Variants in TPM3 observed in about 807,000 individuals in gnomAD.
TPM3 encodes the protein tropomyosin alpha-3 chain.
TPM3 carries 16 observed loss-of-function variants against 43.1 expected under a neutral mutation model. The ratio of observed to expected loss-of-function variants is 0.37; its 90% CI spans 0.25 to 0.56. The LOEUF (loss-of-function observed/expected upper bound fraction) is 0.56, where lower values mean the gene tolerates loss of function less well. TPM3 is among the 20% of genes least tolerant of loss of function. TPM3 has a pLI of 0.77. For synonymous variants in TPM3, 101 were observed against 116.9 expected, an observed-to-expected ratio of 0.86 and a Z score of 0.88; for missense variants, 176 against 337.2, an observed-to-expected ratio of 0.52 and a Z score of 3.74.
In TPM3 at chr1:154,163,807, G is replaced by A. The variant is rs1357144638; in HGVS notation, c.*4130C>T. 1.3e-5 allele frequency among the ~76,000 whole-genome samples: 2 copies of A among 152,062 alleles called. No individual in the cohort carries two copies. The highest frequency in any genetic ancestry group is 2.9e-5 in the Non-Finnish European group (2 of 67,998). ...CGCAACCACGCCCAGCTAATTTTTT[G>A]TATTTTTAGTAGAGACGGGGTTTCA... On this transcript the variant is annotated 3_prime_UTR_variant, in exon 10 of 10. Transcript: ENST00000651641.
At chr1:154,183,478 C>G in intron 2 of TPM3, 1 of 471,278 alleles carries the variant, frequency 2.1e-6, no homozygotes, top group Non-Finnish European at 3.8e-6. Flanking sequence ...AATGGTTGGC[C>G]CCTTTGCAGG....
chr1:154,172,863 A>G (rs750820268), intron 5 of TPM3, 45 bp downstream of exon 5: 1 of 1,607,106 alleles, frequency 6.2e-7, no homozygotes, highest in South Asian at 1.1e-5. Flanking sequence ...CCAAAGGGGA[A>G]GGGATAAATT....
downstream of TPM3, among the ~76,000 whole-genome samples, chr1:154,160,338 G>A (rs1466219366): frequency 6.6e-6 from 1 of 152,204 alleles, no homozygotes; most frequent in Non-Finnish European, 1.5e-5. Flanking sequence ...GCATATGTGA[G>A]CATTGCTCAG....
At chr1:154,182,242 G>T (rs899250660) in intron 2 of TPM3, among the ~76,000 whole-genome samples, 2 of 152,182 alleles carry the variant, frequency 1.3e-5, no homozygotes, top group African/African-American at 2.4e-5. Flanking sequence ...GGCAAGTTTG[G>T]TTGGCTCCTA....
Position 154,161,829 on chromosome 1 carries a change from T to G in TPM3, c.*6108A>C, listed in dbSNP as rs1177650330. Reference sequence around the variant, plus strand: ...GAGACAGAGAAGGAGTGAGAGCATTTTATTGCCTGACTAAATCACAGAACA... The same window carrying G: ...GAGACAGAGAAGGAGTGAGAGCATTGTATTGCCTGACTAAATCACAGAACA... On this transcript the variant is annotated 3_prime_UTR_variant, in exon 10 of 10. Coordinates refer to ENST00000651641, the MANE Select transcript of TPM3 (RefSeq NM_152263.4). Among the ~76,000 whole-genome samples the G allele has an allele frequency of 6.6e-6, 1 of 152,122 alleles. No homozygotes were observed. Among genetic ancestry groups the G allele is most frequent in the Admixed American group, 6.5e-5 (1 of 15,276 alleles).
intron 2 of TPM3, among the ~76,000 whole-genome samples, chr1:154,185,867 A>T (rs1337913422): frequency 6.6e-6 from 1 of 151,372 alleles, no homozygotes; most frequent in Non-Finnish European, 1.5e-5. Flanking sequence ...ATCGTGATAA[A>T]TTTTTCTTCT....
chr1:154,177,754 A>C (rs1662496830), intron 2 of TPM3, among the ~76,000 whole-genome samples: 1 of 152,200 alleles, frequency 6.6e-6, no homozygotes, highest in Non-Finnish European at 1.5e-5. Context: ...ATGAGGAAGA[A>C]TATAGACCAA....
intron 2 of TPM3, chr1:154,183,615 A>G (rs991337690): frequency 9.7e-6 from 2 of 205,382 alleles, no homozygotes; most frequent in East Asian, 2.3e-4. Context: ...TCACCCCACG[A>G]CAAACTCCAA....
downstream of TPM3, chr1:154,157,813 T>G: frequency 2.6e-6 from 2 of 771,750 alleles, no homozygotes. Context: ...GCAGAGAAGC[T>G]GCAGACTGAT....
intron 2 of TPM3, among the ~76,000 whole-genome samples, chr1:154,180,937 G>A (rs1410074010): frequency 2.0e-5 from 3 of 151,548 alleles, no homozygotes; most frequent in Non-Finnish European, 4.4e-5. Flanking sequence ...AAAAAAAAGA[G>A]GGGGGATGGG....
rs975965768 is a variant in TPM3, at chr1:154,164,755, G to T, written c.*3182C>A. Among the ~76,000 whole-genome samples, 16 of 152,170 alleles carry T rather than the reference G, an allele frequency of 1.1e-4. No individual in the cohort carries two copies. The highest frequency in any genetic ancestry group is 2.9e-4 in the African/African-American group (12 of 41,442). On this transcript the variant is annotated 3_prime_UTR_variant, in exon 10 of 10. Transcript: ENST00000651641. ...AACAAAATAAATCTGGAAATGAGTA[G>T]ATCTGAAGAAAACAATGTAGGCAGC...
rs183250139 is a variant in TPM3, at chr1:154,184,837, C to A, written c.243+6349G>T. 4.2e-3 allele frequency among the ~76,000 whole-genome samples: 637 copies of A among 151,988 alleles called. 3 individuals carry two copies. Among genetic ancestry groups the A allele is most frequent in the Non-Finnish European group, 5.2e-3 (352 of 67,962 alleles). On this transcript the variant is annotated intron_variant, in intron 2 of 9. Coordinates refer to ENST00000651641, the MANE Select transcript of TPM3 (RefSeq NM_152263.4). ...GCTGAGGTGGGAAGATTTCTTGAGC[C>A]GGGAAGGCAGAGGTTGCAGTGAGCC...
chr1:154,172,160 T>G lies in TPM3; in HGVS notation c.567-672A>C, dbSNP rs1571402145. 3 of 1,569,298 alleles carry G rather than the reference T, an allele frequency of 1.9e-6. No individual in the cohort carries two copies. In the African/African-American group the frequency reaches 4.1e-5, roughly 21 times the overall value. On this transcript the variant is annotated intron_variant, in intron 5 of 9. Coordinates refer to ENST00000651641, the MANE Select transcript of TPM3 (RefSeq NM_152263.4). ...GCCAGGTTGTGGGGAGGGAGAAAGG[T>G]CAAAAAGGAACACAGCAAGAAAACA...
At chr1:154,178,491 A>G (rs1268486259) in intron 2 of TPM3, among the ~76,000 whole-genome samples, 1 of 152,190 alleles carries the variant, frequency 6.6e-6, no homozygotes, top group Non-Finnish European at 1.5e-5. Context: ...AGCACAGAGG[A>G]TCAGTTCTCT....
chr1:154,191,100 A>C, intron 2 of TPM3, 86 bp downstream of exon 2: 1 of 1,605,784 alleles, frequency 6.2e-7, no homozygotes, highest in Non-Finnish European at 8.5e-7. Context: ...CCATGAACCC[A>C]CAAGTGTGTT....
chr1:154,178,360 G>A (rs566441326), intron 2 of TPM3: 4 of 178,356 alleles, frequency 2.2e-5, no homozygotes, highest in Admixed American at 2.0e-4. Flanking sequence ...CTAAGAGCAT[G>A]CACACATGAA....
intron 2 of TPM3, chr1:154,183,111 C>T (rs769860537): frequency 1.9e-6 from 3 of 1,598,746 alleles, no homozygotes; most frequent in Non-Finnish European, 2.5e-6. Flanking sequence ...TGGTGGTGAT[C>T]CCAGCCATGG....
In TPM3 at chr1:154,164,070, G is replaced by C. The variant is rs775499130; in HGVS notation, c.*3867C>G. On this transcript the variant is annotated 3_prime_UTR_variant, in exon 10 of 10. Transcript: ENST00000651641. ...CGCCCTAGAATTTTGTTTTCACCCAGATACCTGCCAGATTGTCAGCCGTAT... is the reference window on the plus strand; with the variant it reads ...CGCCCTAGAATTTTGTTTTCACCCACATACCTGCCAGATTGTCAGCCGTAT... Among the ~76,000 whole-genome samples the C allele has an allele frequency of 2.0e-5, 3 of 151,980 alleles. No homozygotes were observed. Among genetic ancestry groups the C allele is most frequent in the Non-Finnish European group, 2.9e-5 (2 of 67,998 alleles).
chr1:154,177,216 G>T (rs768599741), intron 2 of TPM3, among the ~76,000 whole-genome samples: 5 of 152,096 alleles, frequency 3.3e-5, no homozygotes, highest in Non-Finnish European at 5.9e-5. Flanking sequence ...GCTACAAGGA[G>T]CTGCTTCTGG....
Sources: allele counts gnomAD v4.1 joint callset (sites outside exome capture counted in the v4.1 genomes callset), GRCh38; gene constraint gnomAD v4.1.1; transcripts MANE v1.5; gene names NCBI Gene and HGNC (gene_info 2026-07-23, HGNC 2026-07-21).